INPP5A: variants seen among roughly 807,000 people sequenced by gnomAD.
INPP5A encodes the protein inositol polyphosphate-5-phosphatase A.
In INPP5A, 14 loss-of-function variants were observed where a neutral mutation model predicts 65.2. That is an observed-to-expected ratio of 0.21 (90% CI 0.14 to 0.34). The LOEUF (loss-of-function observed/expected upper bound fraction) is 0.34. Among genes scored for constraint, INPP5A ranks in the 10% least tolerant of loss-of-function variants. INPP5A has a pLI of 1.00. For missense variants in INPP5A, 431 were observed against 545.6 expected (o/e 0.79, Z 2.09); for synonymous variants, 207 against 208.3 (o/e 0.99, Z 0.05).
intron 1 of INPP5A, among the ~76,000 whole-genome samples, chr10:132,578,250 T>C (rs2071433272): frequency 6.6e-6 from 1 of 152,236 alleles, no homozygotes; most frequent in Admixed American, 6.5e-5. Flanking sequence ...AATCTGGGCA[T>C]TGAAGGTTCA....
chr10:132,682,293 C>T (rs911575429), intron 4 of INPP5A, among the ~76,000 whole-genome samples: 1 of 150,256 alleles, frequency 6.7e-6, no homozygotes, highest in African/African-American at 2.4e-5. Context: ...GGAAGGTGGA[C>T]AGTGTCCTGG....
Position 132,665,341 on chromosome 10 carries a change from T to C in INPP5A, c.306+14836T>C, listed in dbSNP as rs114053551. The stretch of plus-strand genomic sequence containing the variant: ...GCCCTTCCTAGGAGTAAACGGATCC[T>C]GTGTTTTTCCCCTCGATTCTGTGTC... On this transcript the variant is annotated intron_variant, in intron 4 of 15. Transcript: ENST00000368594. Among the ~76,000 whole-genome samples, 1,247 of 152,324 alleles carry C rather than the reference T, an allele frequency of 8.2e-3. 15 individuals are homozygous for C. The highest frequency in any genetic ancestry group is 0.029 in the African/African-American group (1,196 of 41,582).
chr10:132,729,965 G>A (rs922164535), intron 9 of INPP5A, among the ~76,000 whole-genome samples: 2 of 152,202 alleles, frequency 1.3e-5, no homozygotes, highest in Admixed American at 6.5e-5. Context: ...ACTCCAGGGC[G>A]AGTGAGCACC....
chr10:132,637,689 C>T lies in INPP5A; in HGVS notation c.118-8179C>T, dbSNP rs905139432. On this transcript the variant is annotated intron_variant, in intron 2 of 15. Coordinates refer to ENST00000368594, the MANE Select transcript of INPP5A (RefSeq NM_005539.5). The surrounding 1 kb of genome is among the most constrained non-coding windows in gnomAD (Gnocchi z 4.1). Reference sequence around the variant, plus strand: ...TGACTGTTCTGTGCTTTGCCTTTGCCGCCCCCGAGGTTGATGGGCGCTCTC... The same window carrying T: ...TGACTGTTCTGTGCTTTGCCTTTGCTGCCCCCGAGGTTGATGGGCGCTCTC... 5.3e-5 allele frequency among the ~76,000 whole-genome samples: 8 copies of T among 152,114 alleles called. No homozygotes were observed. The highest frequency in any genetic ancestry group is 1.4e-4 in the African/African-American group (6 of 41,404).
At chr10:132,606,299 C>T (rs908624807) in intron 1 of INPP5A, among the ~76,000 whole-genome samples, 8 of 136,454 alleles carry the variant, frequency 5.9e-5, no homozygotes, top group South Asian at 5.2e-4. Context: ...GGCGGGACAG[C>T]GGCGTGGGTC....
At chr10:132,723,493 GGCC>G (rs1845925710) in intron 8 of INPP5A, among the ~76,000 whole-genome samples, 1 of 150,130 alleles carries the variant, frequency 6.7e-6, no homozygotes, top group African/African-American at 2.5e-5. Context: ...TGTGGGGATT[GGCC>G]GTGTGGGGAT....
chr10:132,662,689 T>C (rs1334543444), intron 4 of INPP5A, among the ~76,000 whole-genome samples: 1 of 151,946 alleles, frequency 6.6e-6, no homozygotes, highest in Non-Finnish European at 1.5e-5. Context: ...TTGGCCGAGG[T>C]GAGGATGCTG....
rs970086243 is a variant in INPP5A at position 132,704,916 on chromosome 10, A to G, written c.475-3397A>G. On this transcript the variant is annotated intron_variant, in intron 6 of 15. Transcript: ENST00000368594. The surrounding 1 kb of genome is among the most constrained non-coding windows in gnomAD (Gnocchi z 4.5). Reference sequence around the variant, plus strand: ...TGGAGGATGGAGGAAGGGCGTCTGGACAGGCGGCAGGCAGCTCCTCTGGAG... The same window carrying G: ...TGGAGGATGGAGGAAGGGCGTCTGGGCAGGCGGCAGGCAGCTCCTCTGGAG... 1.5e-5 allele frequency among the ~76,000 whole-genome samples: 2 copies of G among 134,022 alleles called. No individual in the cohort carries two copies. The highest frequency in any genetic ancestry group is 5.3e-4 in the South Asian group (2 of 3,784). The allele number at this position is 134,022 out of a possible 152,430, so 87.9% of individuals were successfully genotyped here.
At chr10:132,726,638 C>G (rs1564986185) in intron 8 of INPP5A, among the ~76,000 whole-genome samples, 183 bp from the exon 9 acceptor site, 2 of 152,132 alleles carry the variant, frequency 1.3e-5, no homozygotes, top group African/African-American at 4.8e-5. Flanking sequence ...CTCAGTGGAC[C>G]TCTATTGGGG....
chr10:132,623,715 C>G (rs1038582998), intron 2 of INPP5A, among the ~76,000 whole-genome samples: 8 of 152,090 alleles, frequency 5.3e-5, no homozygotes, highest in African/African-American at 1.7e-4. Context: ...AAAGACATAT[C>G]ACAGATTGGA....
At chr10:132,774,129 T>C (rs2134687803) in intron 12 of INPP5A, among the ~76,000 whole-genome samples, 1 of 152,172 alleles carries the variant, frequency 6.6e-6, no homozygotes, top group East Asian at 1.9e-4. Context: ...TTGCCACAGC[T>C]GTAATCGTTT....
At chr10:132,695,060 A>G (rs1476579294) in intron 5 of INPP5A, among the ~76,000 whole-genome samples, 1 of 152,242 alleles carries the variant, frequency 6.6e-6, no homozygotes, top group Non-Finnish European at 1.5e-5. Context: ...CCCTAATACT[A>G]AAACCAGATA....
chr10:132,692,508 G>A (rs1043455162), intron 5 of INPP5A, among the ~76,000 whole-genome samples: 2 of 152,132 alleles, frequency 1.3e-5, no homozygotes, highest in African/African-American at 4.8e-5. Flanking sequence ...TCAAACTGCA[G>A]AAAATCAAAG....
intron 11 of INPP5A, among the ~76,000 whole-genome samples, chr10:132,755,672 A>G (rs1846593084): frequency 6.6e-6 from 1 of 151,860 alleles, no homozygotes; most frequent in African/African-American, 2.4e-5. Flanking sequence ...AGGTGTGTGC[A>G]TGTGAGTGGG....
intron 11 of INPP5A, among the ~76,000 whole-genome samples, chr10:132,760,238 G>A (rs536803258): frequency 6.3e-4 from 96 of 152,376 alleles, no homozygotes; most frequent in African/African-American, 2.2e-3. Context: ...GGCACAGCCC[G>A]GGCCTGGCTG....
chr10:132,635,310 C>T (rs973029410), intron 2 of INPP5A, among the ~76,000 whole-genome samples: 4 of 150,084 alleles, frequency 2.7e-5, no homozygotes, highest in Admixed American at 2.7e-4. Flanking sequence ...CCCCTCATTC[C>T]TGCTGTCTTT....
At chr10:132,581,401 A>G (rs971139361) in intron 1 of INPP5A, among the ~76,000 whole-genome samples, 3 of 152,200 alleles carry the variant, frequency 2.0e-5, no homozygotes, top group African/African-American at 7.2e-5. Context: ...TTCTTAGGCA[A>G]TTCTACCTAG....
intron 1 of INPP5A, among the ~76,000 whole-genome samples, chr10:132,576,945 A>T (rs1008762390): frequency 1.3e-5 from 2 of 152,220 alleles, no homozygotes; most frequent in African/African-American, 4.8e-5. Context: ...ACACCCGCTG[A>T]ATTGCTGTGA....
At chr10:132,682,827 C>T (rs751990574) in intron 4 of INPP5A, among the ~76,000 whole-genome samples, 2 of 151,166 alleles carry the variant, frequency 1.3e-5, no homozygotes, top group Non-Finnish European at 2.9e-5. Flanking sequence ...GTGGAGGACA[C>T]ATGTCTGCCG....
Sources: gnomAD v4.1 joint callset for allele counts (sites outside exome capture counted in the v4.1 genomes callset) on GRCh38, gnomAD v4.1.1 for gene constraint, Gnocchi (gnomAD v3.1) non-coding constraint, MANE v1.5 for transcripts, NCBI Gene and HGNC (gene_info 2026-07-23, HGNC 2026-07-21) for gene names.